DPH6: variants seen among roughly 807,000 people sequenced by gnomAD.
DPH6 encodes diphthamine biosynthesis 6, also known as diphthine--ammonia ligase.
DPH6 carries 33 observed loss-of-function variants against 38.2 expected under a neutral mutation model. That is an observed-to-expected ratio of 0.86 (90% CI 0.65 to 1.15). The LOEUF is 1.15. Ranked by LOEUF, DPH6 falls within the 50% of genes most tolerant of loss-of-function variation. The probability of loss-of-function intolerance (pLI) is 0.00; values close to 1 mark genes in which losing one functional copy is unlikely to be tolerated. For missense variants in DPH6, 325 were observed against 320.0 expected (o/e 1.02, Z -0.12); for synonymous variants, 108 against 103.0 (o/e 1.05, Z -0.30).
intron 3 of DPH6, among the ~76,000 whole-genome samples, chr15:35,247,426 A>G (rs559028814): frequency 6.6e-6 from 1 of 152,344 alleles, no homozygotes; most frequent in East Asian, 1.9e-4. Flanking sequence ...TCATATGCCA[A>G]CAGAGTGGAG....
chr15:35,323,127 C>A (rs1403800916), intron 3 of DPH6, among the ~76,000 whole-genome samples: 1 of 152,000 alleles, frequency 6.6e-6, no homozygotes, highest in Non-Finnish European at 1.5e-5. Context: ...CTTCTCAAAT[C>A]TTATATAGTG....
At chr15:35,393,058 C>T (rs1439714457) in intron 6 of DPH6, among the ~76,000 whole-genome samples, 1 of 152,140 alleles carries the variant, frequency 6.6e-6, no homozygotes, top group Non-Finnish European at 1.5e-5. Flanking sequence ...TCAGAGAGAA[C>T]CCACGGAGAG....
At chr15:35,328,210 C>T (rs1443981609), downstream of DPH6, among the ~76,000 whole-genome samples, 3 of 152,122 alleles carry the variant, frequency 2.0e-5, no homozygotes, top group South Asian at 2.1e-4. Flanking sequence ...TGTCATCATA[C>T]TTTCTCTTGC....
chr15:35,167,228 T>C, the DPH6 span, among the ~76,000 whole-genome samples: 2 of 151,876 alleles, frequency 1.3e-5, no homozygotes, highest in East Asian at 1.9e-4. Context: ...CTCAGAAGAA[T>C]AACAAAAAGA....
intron 3 of DPH6, among the ~76,000 whole-genome samples, chr15:35,296,581 T>C (rs1386015107): frequency 1.3e-5 from 2 of 152,202 alleles, no homozygotes; most frequent in African/African-American, 4.8e-5. Context: ...TCTCTAAAGC[T>C]ACACCCAACT....
chr15:35,212,703 G>A (rs981292646), downstream of DPH6, among the ~76,000 whole-genome samples: 1 of 152,184 alleles, frequency 6.6e-6, no homozygotes, highest in African/African-American at 2.4e-5. Flanking sequence ...TTGCCAAATC[G>A]TGTTGTCTCC....
At chr15:35,378,923 C>T (rs1397447986) in intron 7 of DPH6, among the ~76,000 whole-genome samples, 5 of 152,052 alleles carry the variant, frequency 3.3e-5, no homozygotes, top group South Asian at 4.1e-4. Context: ...TGTATACCTA[C>T]GTAACAAACC....
chr15:35,516,351 G>A (rs537554728), intron 3 of DPH6, among the ~76,000 whole-genome samples: 1 of 152,318 alleles, frequency 6.6e-6, no homozygotes, highest in Admixed American at 6.5e-5. Flanking sequence ...TGACAAGTAA[G>A]TATGTAATAG....
At chr15:35,533,974 T>G (rs982335013) in intron 3 of DPH6, among the ~76,000 whole-genome samples, 1 of 151,988 alleles carries the variant, frequency 6.6e-6, no homozygotes, top group Non-Finnish European at 1.5e-5. Context: ...GCATTCACAG[T>G]CAGCTTTCCT....
intron 3 of DPH6, among the ~76,000 whole-genome samples, chr15:35,469,803 C>A (rs963715427): frequency 1.3e-5 from 2 of 151,918 alleles, no homozygotes; most frequent in South Asian, 4.2e-4. Flanking sequence ...TGAAGAGATA[C>A]GATAAAACAG....
chr15:35,236,627 A>T (rs1410224821), intron 3 of DPH6, among the ~76,000 whole-genome samples: 1 of 151,372 alleles, frequency 6.6e-6, no homozygotes, highest in Non-Finnish European at 1.5e-5. Flanking sequence ...CGACAGAGAC[A>T]GAGACTCCAT....
At chr15:35,341,033 T>C (rs1244540751) in intron 3 of DPH6, among the ~76,000 whole-genome samples, 1 of 152,232 alleles carries the variant, frequency 6.6e-6, no homozygotes, top group East Asian at 1.9e-4. Context: ...GTTTGGTCTC[T>C]TAACATAATT....
At chr15:35,514,028 G>A (rs2054812345) in intron 3 of DPH6, among the ~76,000 whole-genome samples, 1 of 151,828 alleles carries the variant, frequency 6.6e-6, no homozygotes, top group South Asian at 2.1e-4. Flanking sequence ...GTAAAGGGTT[G>A]GAAACTTTAT....
intron 3 of DPH6, chr15:35,237,940 G>T (rs2051567341): frequency 1.4e-6 from 2 of 1,393,370 alleles, no homozygotes; most frequent in Non-Finnish European, 2.0e-6. Flanking sequence ...AGGAGGAGGA[G>T]GATGAAAAAG....
intron 1 of DPH6, among the ~76,000 whole-genome samples, chr15:35,543,144 T>C (rs1014578646): frequency 1.4e-5 from 2 of 146,774 alleles, no homozygotes; most frequent in Non-Finnish European, 3.0e-5. Context: ...ACTTGGTGGG[T>C]TCAAATTCTG....
In DPH6 at chr15:35,522,161, T is replaced by C; in HGVS notation, c.312+16113A>G. 5 of 1,613,312 alleles carry C rather than the reference T, an allele frequency of 3.1e-6. No homozygotes were observed. In the South Asian group the frequency reaches 4.4e-5, roughly 14 times the overall value. ...GTGTGTTTATCAAACTTGCTGTGAG[T>C]GCACAGTTCATTTGGAGTCCTGTAA... is the stretch of plus-strand genomic sequence containing the variant. On this transcript the variant is annotated intron_variant, in intron 3 of 8. Transcript: ENST00000256538.
At chr15:35,262,910 G>T (rs1269751318) in intron 3 of DPH6, among the ~76,000 whole-genome samples, 1 of 151,996 alleles carries the variant, frequency 6.6e-6, no homozygotes, top group African/African-American at 2.4e-5. Context: ...TAAAGTGAGA[G>T]AATCATGCAG....
rs1428883343 is a variant in DPH6 at position 35,542,474 on chromosome 15, C to T, written c.57G>A (p.Gln19=). 1.3e-6 allele frequency: 2 copies of T among 1,581,190 alleles called. No individual in the cohort carries two copies. Among genetic ancestry groups the T allele is most frequent in the Non-Finnish European group, 1.7e-6 (2 of 1,154,090 alleles). Residue 19 remains glutamine (Q), a synonymous_variant, in exon 2 of 9, where the codon CAG becomes CAA. Transcript: ENST00000256538. Reference sequence around the variant, plus strand: ...CGATCTGATGCCCAGCAGCAATGCACTGCATCATATTATAGCAGCTGTCCT... The same window carrying T: ...CGATCTGATGCCCAGCAGCAATGCATTGCATCATATTATAGCAGCTGTCCT... The part of the protein sequence containing the change: ...GGKDSCYNMM[Q]CIAAGHQIVA...
At position 35,446,675 on chromosome 15, in the gene DPH6, T is replaced by C. The variant is rs114785557; in HGVS notation, c.505+4010A>G. ...CAACAGCAGGCTATTAGTAGTTAAA[T>C]TTTTGGGGTGTCAAAAGTTTTACGT... is the stretch of plus-strand genomic sequence containing the variant. On this transcript the variant is annotated intron_variant, in intron 5 of 8. Coordinates refer to ENST00000256538, the MANE Select transcript of DPH6 (RefSeq NM_080650.4). Among the ~76,000 whole-genome samples, 631 of 152,282 alleles carry C rather than the reference T, an allele frequency of 4.1e-3. 10 individuals carry two copies. Among genetic ancestry groups the C allele is most frequent in the African/African-American group, 0.014 (602 of 41,552 alleles).
Sources: allele counts gnomAD v4.1 joint callset (sites outside exome capture counted in the v4.1 genomes callset), GRCh38; gene constraint gnomAD v4.1.1; transcripts MANE v1.5; gene names NCBI Gene and HGNC (gene_info 2026-07-23, HGNC 2026-07-21).